The following GTSE1 variants were observed in gnomAD, a reference collection of about 807,000 sequenced individuals.
GTSE1 encodes G2 and S phase-expressed protein 1.
Under a neutral mutation model 60.5 loss-of-function variants are expected in GTSE1, and 52 were observed. The observed-to-expected ratio is 0.86, with a 90% CI of 0.69 to 1.08. The LOEUF (loss-of-function observed/expected upper bound fraction) is 1.08. Ranked by LOEUF, GTSE1 falls within the 50% of genes least tolerant of loss-of-function variation. The pLI is 0.00. For missense variants in GTSE1, 937 were observed against 961.8 expected (o/e 0.97, Z 0.34); for synonymous variants, 368 against 386.5 (o/e 0.95, Z 0.56).
intron 9 of GTSE1, among the ~76,000 whole-genome samples, chr22:46,327,891 A>C (rs2077853162): frequency 6.6e-6 from 1 of 152,246 alleles, no homozygotes; most frequent in Admixed American, 6.5e-5. Context: ...AAAGGCATGG[A>C]ATGCCAAAGA....
chr22:46,320,633 C>T lies in GTSE1; in HGVS notation c.1433-2557C>T, dbSNP rs2077807098. On this transcript the variant is annotated intron_variant, in intron 7 of 11. Coordinates refer to ENST00000454366, the MANE Select transcript of GTSE1 (RefSeq NM_016426.7). The surrounding 1 kb of genome is among the most constrained non-coding windows in gnomAD (Gnocchi z 7.1). ...GGAGGCTTTCATATGTGCACTTTCT[C>T]AAAATACTCGAGGCAAGCAGCATTC... 6.6e-6 allele frequency among the ~76,000 whole-genome samples: 1 copy of T among 152,204 alleles called. No individual in the cohort carries two copies.
In GTSE1 at chr22:46,329,648, G is replaced by A. The variant is rs1415376398; in HGVS notation, c.2136+81G>A. The A allele has an allele frequency of 1.3e-5, 15 of 1,113,962 alleles. No homozygotes were observed. Among genetic ancestry groups the A allele is most frequent in the Admixed American group, 1.1e-4 (6 of 55,178 alleles). The allele number at this position is 1,113,962 out of a possible 1,614,324, so 69.0% of individuals were successfully genotyped here. ...GATTGTTCATCCTCCCAGGGCCATCGTGGGACCCTTGAGAGTGGCTGTTGA... is the reference window on the plus strand; with the variant it reads ...GATTGTTCATCCTCCCAGGGCCATCATGGGACCCTTGAGAGTGGCTGTTGA... On this transcript the variant is annotated intron_variant, in intron 11 of 11. Transcript: ENST00000454366. The surrounding 1 kb of genome is among the most constrained non-coding windows in gnomAD (Gnocchi z 6.4).
Position 46,317,735 on chromosome 22 carries a change from G to A in GTSE1, c.1432+1323G>A, listed in dbSNP as rs1036024706. On this transcript the variant is annotated intron_variant, in intron 7 of 11. Transcript: ENST00000454366. The surrounding 1 kb of genome is among the most constrained non-coding windows in gnomAD (Gnocchi z 5.6). Reference sequence around the variant, plus strand: ...GTCTAGCATAGCCTTTCCGCCTCCCGCCACCGGCGTCCTTCCCAAGGCCTC... The same window carrying A: ...GTCTAGCATAGCCTTTCCGCCTCCCACCACCGGCGTCCTTCCCAAGGCCTC... Among the ~76,000 whole-genome samples the A allele has an allele frequency of 2.0e-5, 3 of 152,268 alleles. No individual in the cohort carries two copies. The highest frequency in any genetic ancestry group is 4.4e-5 in the Non-Finnish European group (3 of 68,026).
chr22:46,321,760 C>T lies in GTSE1; in HGVS notation c.1433-1430C>T, dbSNP rs1353795826. On this transcript the variant is annotated intron_variant, in intron 7 of 11. Coordinates refer to ENST00000454366, the MANE Select transcript of GTSE1 (RefSeq NM_016426.7). The surrounding 1 kb of genome is among the most constrained non-coding windows in gnomAD (Gnocchi z 4.0). ...ATTTTTAAAAACTGTGCATGAGTCA[C>T]TTTGATAGAGGTGATTTTTAAAAGA... 1.3e-5 allele frequency among the ~76,000 whole-genome samples: 2 copies of T among 152,084 alleles called. No individual in the cohort carries two copies. Among genetic ancestry groups the T allele is most frequent in the Non-Finnish European group, 2.9e-5 (2 of 68,008 alleles).
intron 2 of GTSE1, among the ~76,000 whole-genome samples, chr22:46,302,974 A>AC (rs1248253180): frequency 7.2e-6 from 1 of 139,478 alleles, no homozygotes; most frequent in Non-Finnish European, 1.5e-5. Context: ...ATCTTGGCTC[A>AC]CTGCAAGCTC....
Position 46,309,714 on chromosome 22 carries a change from T to C in GTSE1, c.762+771T>C, listed in dbSNP as rs1165671329. ...GACTCCCTGTGGTGAGAGCCAAGGA[T>C]GGAAGGCAGCCGAGGTGCAGCCGCC... On this transcript the variant is annotated intron_variant, in intron 4 of 11. Transcript: ENST00000454366. The surrounding 1 kb of genome is among the most constrained non-coding windows in gnomAD (Gnocchi z 6.2). Among the ~76,000 whole-genome samples the C allele has an allele frequency of 6.6e-6, 1 of 152,134 alleles. No homozygotes were observed. Among genetic ancestry groups the C allele is most frequent in the East Asian group, 1.9e-4 (1 of 5,184 alleles).
rs181624415 is a variant in GTSE1, at chr22:46,320,021, G to A, written c.1433-3169G>A. ...AGAAAGAAAGAAAGAAAAGAAATGC[G>A]AGCTGTGATTGGGTGGGTTCTGCAG... On this transcript the variant is annotated intron_variant, in intron 7 of 11. Coordinates refer to ENST00000454366, the MANE Select transcript of GTSE1 (RefSeq NM_016426.7). This position sits in a 1 kb window ranked among gnomAD's most constrained non-coding sequence, Gnocchi z 7.1. 6.1e-4 allele frequency among the ~76,000 whole-genome samples: 93 copies of A among 151,838 alleles called. No homozygotes were observed. The highest frequency in any genetic ancestry group is 3.4e-3 in the Middle Eastern group (1 of 294).
rs1197237910 is a variant in GTSE1, at chr22:46,317,231, T to A, written c.1432+819T>A. 6.6e-6 allele frequency among the ~76,000 whole-genome samples: 1 copy of A among 152,210 alleles called. No homozygotes were observed. The highest frequency in any genetic ancestry group is 1.9e-4 in the East Asian group (1 of 5,198). ...ACCCACCCATCTCGGCCTCTCAAACTGCTGGGATTATAGGTGTGAGCCACC... is the reference window on the plus strand; with the variant it reads ...ACCCACCCATCTCGGCCTCTCAAACAGCTGGGATTATAGGTGTGAGCCACC... On this transcript the variant is annotated intron_variant, in intron 7 of 11. Coordinates refer to ENST00000454366, the MANE Select transcript of GTSE1 (RefSeq NM_016426.7). The surrounding 1 kb of genome is among the most constrained non-coding windows in gnomAD (Gnocchi z 5.6).
rs55946133 is a variant in GTSE1 at position 46,324,381 on chromosome 22, T to C, written c.1505+1119T>C. On this transcript the variant is annotated intron_variant, in intron 8 of 11. Coordinates refer to ENST00000454366, the MANE Select transcript of GTSE1 (RefSeq NM_016426.7). The surrounding 1 kb of genome is among the most constrained non-coding windows in gnomAD (Gnocchi z 5.2). ...TGGAATTTTTCTTTTCTTTTCTTTTTTTTTGAGACAGAGTCTCACTCTGTC... is the reference window on the plus strand; with the variant it reads ...TGGAATTTTTCTTTTCTTTTCTTTTCTTTTGAGACAGAGTCTCACTCTGTC... Among the ~76,000 whole-genome samples, 2,747 of 152,018 alleles carry C rather than the reference T, an allele frequency of 0.018. 56 individuals are homozygous for C. The highest frequency in any genetic ancestry group is 0.055 in the African/African-American group (2,288 of 41,350).
intron 2 of GTSE1, among the ~76,000 whole-genome samples, chr22:46,303,239 G>A (rs1439081955): frequency 3.9e-5 from 6 of 152,086 alleles, no homozygotes; most frequent in African/African-American, 9.7e-5. Flanking sequence ...TTTATGATAT[G>A]CCAAGTCTTC....
chr22:46,329,696 G>A lies in GTSE1; in HGVS notation c.2136+129G>A. 2 of 739,512 alleles carry A rather than the reference G, an allele frequency of 2.7e-6. No homozygotes were observed. Among genetic ancestry groups the A allele is most frequent in the Non-Finnish European group, 4.8e-6 (2 of 420,858 alleles). The allele number at this position is 739,512 out of a possible 1,614,324, so 45.8% of individuals were successfully genotyped here. ...TGAGTCTTCTCAGCTACACACCTCA[G>A]GGCAGGATGCACCTTTGGCAGCCTG... On this transcript the variant is annotated intron_variant, in intron 11 of 11. Coordinates refer to ENST00000454366, the MANE Select transcript of GTSE1 (RefSeq NM_016426.7). The surrounding 1 kb of genome is among the most constrained non-coding windows in gnomAD (Gnocchi z 6.4).
rs2077732080 is a variant in GTSE1 at position 46,308,808 on chromosome 22, T to G, written c.627T>G (p.Ala209=). The G allele has an allele frequency of 6.2e-7, 1 of 1,613,266 alleles. No homozygotes were observed. The highest frequency in any genetic ancestry group is 8.5e-7 in the Non-Finnish European group (1 of 1,180,000). The change falls in exon 4 of 12, where the codon GCT becomes GCG. Residue 209 remains alanine (A), a synonymous_variant. Transcript: ENST00000454366. ...LTRAPGPPHS[A]HALPRESCTA... ...GGGCGCCGGGGCCTCCGCACTCTGC[T>G]CATGCTTTGCCCAGGGAATCATGCA...
In GTSE1 at chr22:46,314,988, A is replaced by G. The variant is rs2077770569; in HGVS notation, c.1051+975A>G. 6.6e-6 allele frequency among the ~76,000 whole-genome samples: 1 copy of G among 152,120 alleles called. No homozygotes were observed. Among genetic ancestry groups the G allele is most frequent in the South Asian group, 2.1e-4 (1 of 4,816 alleles). ...ACTGAGGTGATGACCTCCTGAGATC[A>G]AGCAATCCTCCCACCTCAGCCTCCT... On this transcript the variant is annotated intron_variant, in intron 6 of 11. Transcript: ENST00000454366. This position sits in a 1 kb window ranked among gnomAD's most constrained non-coding sequence, Gnocchi z 7.1.
In GTSE1 at chr22:46,317,005, A is replaced by C. The variant is rs1454736261; in HGVS notation, c.1432+593A>C. Among the ~76,000 whole-genome samples the C allele has an allele frequency of 1.3e-5, 2 of 150,778 alleles. No individual in the cohort carries two copies. The highest frequency in any genetic ancestry group is 2.9e-5 in the Non-Finnish European group (2 of 67,864). ...GAGACGGAGTCTCGCTCTGTCACCC[A>C]GGGTGGAATGCAGTGGCGCGATCTC... On this transcript the variant is annotated intron_variant, in intron 7 of 11. Coordinates refer to ENST00000454366, the MANE Select transcript of GTSE1 (RefSeq NM_016426.7). The surrounding 1 kb of genome is among the most constrained non-coding windows in gnomAD (Gnocchi z 5.6).
At chr22:46,300,205 C>T (rs1451703663) in intron 2 of GTSE1, among the ~76,000 whole-genome samples, 1 of 151,966 alleles carries the variant, frequency 6.6e-6, no homozygotes, top group East Asian at 1.9e-4. Flanking sequence ...TCAAGTGATT[C>T]CCCTGCCTCA....
chr22:46,330,665 C>G lies in GTSE1; in HGVS notation c.*535C>G, dbSNP rs2077871175. 6.6e-6 allele frequency: 1 copy of G among 152,400 alleles called. No homozygotes were observed. The highest frequency in any genetic ancestry group is 6.5e-5 in the Admixed American group (1 of 15,274). 9.4% of individuals were successfully genotyped at this position (152,400 alleles called of 1,614,324 possible). A position where few individuals can be genotyped will look rare whatever the true frequency, so the allele number is the denominator to read the frequency against. On this transcript the variant is annotated 3_prime_UTR_variant, in exon 12 of 12. Transcript: ENST00000454366. This position sits in a 1 kb window ranked among gnomAD's most constrained non-coding sequence, Gnocchi z 6.0. ...CCATTCTCTGGGCTGGAATGTGAAGCCTCAGTCACTCTAAATGAAGAATTT... is the reference window on the plus strand; with the variant it reads ...CCATTCTCTGGGCTGGAATGTGAAGGCTCAGTCACTCTAAATGAAGAATTT...
rs1288896061 is a variant in GTSE1, at chr22:46,308,812, G to A, written c.631G>A (p.Ala211Thr). 2 of 1,613,288 alleles carry A rather than the reference G, an allele frequency of 1.2e-6. No homozygotes were observed. Among genetic ancestry groups the A allele is most frequent in the East Asian group, 2.2e-5 (1 of 44,892 alleles). Reference protein sequence around the residue: ...RAPGPPHSAHALPRESCTAHA... With the variant: ...RAPGPPHSAHTLPRESCTAHA... ...GCCGGGGCCTCCGCACTCTGCTCAT[G>A]CTTTGCCCAGGGAATCATGCACTGC... Residue 211 changes from alanine (A) to threonine (T), a missense_variant, in exon 4 of 12, where the codon GCT becomes ACT. Physicochemically the swap from Ala to Thr is moderately conservative, Grantham distance 58. Transcript: ENST00000454366.
chr22:46,316,085 A>T lies in GTSE1; in HGVS notation c.1105A>T (p.Asn369Tyr). ...IPANSSRPLS[N>Y]ISKSGRMGPA... ...TGCAAATAGCTCCCGGCCTCTGTCA[A>T]ACATCAGCAAGTCAGGCAGAATGGG... The change falls in exon 7 of 12, where the codon AAC becomes TAC. Residue 369 changes from asparagine to tyrosine, a missense_variant. Coordinates refer to ENST00000454366, the MANE Select transcript of GTSE1 (RefSeq NM_016426.7). The surrounding 1 kb of genome is among the most constrained non-coding windows in gnomAD (Gnocchi z 5.0). 6.5e-7 allele frequency: 1 copy of T among 1,544,134 alleles called. No homozygotes were observed. Among genetic ancestry groups the T allele is most frequent in the Non-Finnish European group, 8.7e-7 (1 of 1,143,436 alleles).
At chr22:46,328,977 C>T (rs995785347) in intron 10 of GTSE1, 88 bp downstream of exon 10, 13 of 1,062,738 alleles carry the variant, frequency 1.2e-5, no homozygotes, top group African/African-American at 9.3e-5. Flanking sequence ...CTGTGGCTGG[C>T]GGAGTTCCCT....
Sources: gnomAD v4.1 joint callset for allele counts (sites outside exome capture counted in the v4.1 genomes callset) on GRCh38, gnomAD v4.1.1 for gene constraint, Gnocchi (gnomAD v3.1) non-coding constraint, MANE v1.5 for transcripts, NCBI Gene and HGNC (gene_info 2026-07-23, HGNC 2026-07-21) for gene names.